Variants in SAMD12 observed in about 807,000 individuals in gnomAD.
SAMD12 encodes sterile alpha motif domain containing 12.
SAMD12 carries 9 observed loss-of-function variants against 15.0 expected under a neutral mutation model. The ratio of observed to expected loss-of-function variants is 0.60; its 90% CI spans 0.36 to 1.05. The LOEUF (loss-of-function observed/expected upper bound fraction) is 1.05. Among genes scored for constraint, SAMD12 ranks in the 50% least tolerant of loss-of-function variants. The pLI, the probability that SAMD12 is intolerant of heterozygous loss-of-function variation, is 0.01. For synonymous variants in SAMD12, 86 were observed against 90.1 expected, an observed-to-expected ratio of 0.96 and a Z score of 0.25; for missense variants, 230 against 234.2, an observed-to-expected ratio of 0.98 and a Z score of 0.12.
the SAMD12 span, among the ~76,000 whole-genome samples, chr8:118,164,927 CCTACT>C: frequency 6.6e-6 from 1 of 151,338 alleles, no homozygotes; most frequent in African/African-American, 2.4e-5. Flanking sequence ...CCTGTTTTCT[CCTACT>C]CTAAACTCAT....
chr8:118,229,424 T>C (rs995279309), intron 4 of SAMD12, among the ~76,000 whole-genome samples: 2 of 152,118 alleles, frequency 1.3e-5, no homozygotes, highest in African/African-American at 2.4e-5. Context: ...CTAGAATTCT[T>C]TCTCCCTGAC....
At chr8:118,175,793 T>A in the SAMD12 span, among the ~76,000 whole-genome samples, 1 of 152,170 alleles carries the variant, frequency 6.6e-6, no homozygotes, top group South Asian at 2.1e-4. Flanking sequence ...TGATATATCA[T>A]ATCACACTGG....
At chr8:118,277,506 T>C (rs569909852) in intron 4 of SAMD12, among the ~76,000 whole-genome samples, 79 of 152,078 alleles carry the variant, frequency 5.2e-4, no homozygotes, top group Admixed American at 1.8e-3. Flanking sequence ...CATTTCCTTA[T>C]GTAGTTTTAA....
At chr8:118,544,542 G>A (rs995110144) in intron 2 of SAMD12, among the ~76,000 whole-genome samples, 4 of 152,202 alleles carry the variant, frequency 2.6e-5, no homozygotes, top group African/African-American at 9.6e-5. Context: ...GTCAAAGAGT[G>A]TACACGGTTG....
At chr8:118,412,474 C>T (rs904018406) in intron 3 of SAMD12, among the ~76,000 whole-genome samples, 3 of 152,108 alleles carry the variant, frequency 2.0e-5, no homozygotes, top group Admixed American at 6.6e-5. Flanking sequence ...GATTTGAAGA[C>T]GTCTGAAAAT....
intron 3 of SAMD12, among the ~76,000 whole-genome samples, chr8:118,422,886 G>A (rs1441612146): frequency 6.6e-6 from 1 of 152,168 alleles, no homozygotes; most frequent in Non-Finnish European, 1.5e-5. Flanking sequence ...GAAAAGAACT[G>A]TGGTGTGGGA....
At chr8:118,159,711 TTTTTTTTC>T in the SAMD12 span, among the ~76,000 whole-genome samples, 2 of 8,766 alleles carry the variant, frequency 2.3e-4, no homozygotes, top group South Asian at 6.9e-3. Flanking sequence ...AATTTTTTCT[TTTTTTTTC>T]TTTTTTTTTT....
intron 4 of SAMD12, among the ~76,000 whole-genome samples, chr8:118,229,203 G>T (rs1293001993): frequency 6.6e-6 from 1 of 151,612 alleles, no homozygotes; most frequent in Non-Finnish European, 1.5e-5. Context: ...TTGGGTGATG[G>T]GTGCGCCAAA....
At chr8:118,288,961 T>A in intron 4 of SAMD12, among the ~76,000 whole-genome samples, 1 of 152,240 alleles carries the variant, frequency 6.6e-6, no homozygotes, top group East Asian at 1.9e-4. Flanking sequence ...CCTGGTCATT[T>A]TGGAATTGAG....
chr8:118,593,856 AT>A (rs1242797641), intron 1 of SAMD12, among the ~76,000 whole-genome samples: 8 of 152,248 alleles, frequency 5.3e-5, no homozygotes, highest in African/African-American at 1.9e-4. Flanking sequence ...TTACAAAAAA[AT>A]AAACATAATG....
In SAMD12 at chr8:118,309,002, T is replaced by G. The variant is rs563373771; in HGVS notation, c.433+70558A>C. ...TGATTCCTAAATCTTTTATTATTATTATTTCAATAGGTTTTTGGGGAACAG... is the reference window on the plus strand; with the variant it reads ...TGATTCCTAAATCTTTTATTATTATGATTTCAATAGGTTTTTGGGGAACAG... On this transcript the variant is annotated intron_variant, in intron 4 of 4. Transcript: ENST00000409003. Among the ~76,000 whole-genome samples the G allele has an allele frequency of 2.0e-5, 3 of 151,980 alleles. No homozygotes were observed. In the South Asian group the frequency reaches 6.3e-4, roughly 32 times the overall value.
chr8:118,546,357 G>A (rs1299301311), intron 2 of SAMD12, among the ~76,000 whole-genome samples: 1 of 152,044 alleles, frequency 6.6e-6, no homozygotes, highest in African/African-American at 2.4e-5. Flanking sequence ...CTCAACCAGA[G>A]ATAACACTGA....
intron 2 of SAMD12, among the ~76,000 whole-genome samples, chr8:118,525,168 A>G (rs760604255): frequency 7.9e-5 from 12 of 152,122 alleles, no homozygotes; most frequent in Non-Finnish European, 1.5e-4. Context: ...CACATCAAGC[A>G]TGCTCTGCCT....
chr8:118,365,146 A>C (rs1818702460), intron 4 of SAMD12, among the ~76,000 whole-genome samples: 1 of 151,936 alleles, frequency 6.6e-6, no homozygotes, highest in Non-Finnish European at 1.5e-5. Flanking sequence ...TTCCAATCTC[A>C]CTTCCTGCCA....
intron 4 of SAMD12, among the ~76,000 whole-genome samples, chr8:118,295,104 G>A (rs1190733121): frequency 6.6e-6 from 1 of 152,066 alleles, no homozygotes; most frequent in African/African-American, 2.4e-5. Flanking sequence ...CAAAGGGAAT[G>A]GAACTTGTCA....
At chr8:118,369,272 A>C (rs938004434) in intron 4 of SAMD12, among the ~76,000 whole-genome samples, 6 of 152,202 alleles carry the variant, frequency 3.9e-5, no homozygotes, top group Non-Finnish European at 8.8e-5. Context: ...CAACAATCTG[A>C]TCTTTGACAA....
At chr8:118,437,239 T>G (rs1290699912) in intron 3 of SAMD12, among the ~76,000 whole-genome samples, 1 of 152,178 alleles carries the variant, frequency 6.6e-6, no homozygotes, top group Non-Finnish European at 1.5e-5. Context: ...TATTTTGCAT[T>G]CACTCTTAGA....
At chr8:118,333,556 T>TC (rs1160435178) in intron 4 of SAMD12, among the ~76,000 whole-genome samples, 1 of 149,918 alleles carries the variant, frequency 6.7e-6, no homozygotes, top group African/African-American at 2.4e-5. Flanking sequence ...ATTCTTTTGT[T>TC]TTTTTTTTTT....
At chr8:118,607,170 T>C (rs1828005058) in intron 1 of SAMD12, among the ~76,000 whole-genome samples, 1 of 152,228 alleles carries the variant, frequency 6.6e-6, no homozygotes, top group Non-Finnish European at 1.5e-5. Context: ...GAAGTCATTC[T>C]TTAATAGTCA....
Sources: gnomAD v4.1 joint callset for allele counts (sites outside exome capture counted in the v4.1 genomes callset) on GRCh38, gnomAD v4.1.1 for gene constraint, MANE v1.5 for transcripts, NCBI Gene and HGNC (gene_info 2026-07-23, HGNC 2026-07-21) for gene names.